The following SH3BGRL2 variants were observed in gnomAD, a reference collection of about 807,000 sequenced individuals.
SH3BGRL2 encodes SH3 domain binding glutamate rich protein like 2, also known as SH3 domain-binding glutamic acid-rich-like protein 2.
A neutral mutation model predicts 14.8 loss-of-function variants in SH3BGRL2; 21 were observed. The ratio of observed to expected loss-of-function variants is 1.42; its 90% CI spans 1.01 to 2.05. The LOEUF is 2.05. Ranked by LOEUF, SH3BGRL2 falls within the 30% of genes most tolerant of loss-of-function variation. The pLI, the probability that SH3BGRL2 is intolerant of heterozygous loss-of-function variation, is 0.00. For synonymous variants in SH3BGRL2, 50 were observed against 47.8 expected, an observed-to-expected ratio of 1.05 and a Z score of -0.19; for missense variants, 147 against 130.8, an observed-to-expected ratio of 1.12 and a Z score of -0.61.
At chr6:79,628,008 A>T (rs551522967), upstream of SH3BGRL2, among the ~76,000 whole-genome samples, 3 of 152,298 alleles carry the variant, frequency 2.0e-5, no homozygotes, top group South Asian at 6.2e-4. Context: ...TAGTTAAGCC[A>T]TTGTAATAGC....
chr6:79,570,635 A>G, the SH3BGRL2 span, among the ~76,000 whole-genome samples: 1 of 152,134 alleles, frequency 6.6e-6, no homozygotes. Flanking sequence ...CACTTTACCA[A>G]CCCTGCCAGA....
At chr6:79,686,918 G>A (rs942298106) in intron 2 of SH3BGRL2, among the ~76,000 whole-genome samples, 4 of 152,162 alleles carry the variant, frequency 2.6e-5, no homozygotes, top group African/African-American at 7.2e-5. Flanking sequence ...ACTTCAGTGC[G>A]TGTCCCTCCA....
intron 2 of SH3BGRL2, among the ~76,000 whole-genome samples, chr6:79,676,789 T>C (rs1391411474): frequency 6.6e-6 from 1 of 152,160 alleles, no homozygotes; most frequent in African/African-American, 2.4e-5. Context: ...TAGAAGAATA[T>C]AATGTAAAAT....
At chr6:79,652,641 T>A (rs1332220025) in intron 1 of SH3BGRL2, among the ~76,000 whole-genome samples, 2 of 152,008 alleles carry the variant, frequency 1.3e-5, no homozygotes, top group Admixed American at 1.3e-4. Context: ...AATAAATATT[T>A]TCAGGATGAA....
intron 1 of SH3BGRL2, among the ~76,000 whole-genome samples, chr6:79,653,922 G>A (rs560731899): frequency 8.8e-4 from 134 of 152,270 alleles, no homozygotes; most frequent in African/African-American, 3.1e-3. Flanking sequence ...TGGTAAGAAG[G>A]AAAGCCCCAA....
At chr6:79,547,926 C>A in the SH3BGRL2 span, among the ~76,000 whole-genome samples, 1 of 152,136 alleles carries the variant, frequency 6.6e-6, no homozygotes, top group Non-Finnish European at 1.5e-5. Flanking sequence ...AGTGCAGGGG[C>A]ACAATCACAG....
At chr6:79,613,494 A>G in the SH3BGRL2 span, among the ~76,000 whole-genome samples, 1 of 152,352 alleles carries the variant, frequency 6.6e-6, no homozygotes, top group South Asian at 2.1e-4. Flanking sequence ...AATACCTGAT[A>G]GTATTCATAC....
chr6:79,548,061 G>T, the SH3BGRL2 span, among the ~76,000 whole-genome samples: 3 of 151,938 alleles, frequency 2.0e-5, no homozygotes, highest in Non-Finnish European at 2.9e-5. Context: ...TAGAGATGAG[G>T]TCTCACTATG....
chr6:79,576,688 G>A, the SH3BGRL2 span, among the ~76,000 whole-genome samples: 8 of 152,126 alleles, frequency 5.3e-5, no homozygotes, highest in African/African-American at 1.4e-4. Context: ...AAATGCACAC[G>A]TCGATAAGTT....
intron 2 of SH3BGRL2, among the ~76,000 whole-genome samples, chr6:79,686,245 A>C (rs1029535631): frequency 1.3e-5 from 2 of 152,198 alleles, no homozygotes; most frequent in Non-Finnish European, 2.9e-5. Flanking sequence ...TCAGCAGTTA[A>C]TAGGACTGCT....
chr6:79,559,579 C>T, the SH3BGRL2 span, among the ~76,000 whole-genome samples: 8 of 152,248 alleles, frequency 5.3e-5, no homozygotes, highest in African/African-American at 1.9e-4. Context: ...TACAATACTT[C>T]GTATTAGACT....
In SH3BGRL2 at chr6:79,702,257, C is replaced by G. The variant is rs1314691799; in HGVS notation, c.*2748C>G. On this transcript the variant is annotated 3_prime_UTR_variant, in exon 4 of 4. Coordinates refer to ENST00000369838, the MANE Select transcript of SH3BGRL2 (RefSeq NM_031469.4). Reference sequence around the variant, plus strand: ...TATATTACATGAATTTAATAATAAACTAAACTTTTTTTTGTCTCCCGTTAT... The same window carrying G: ...TATATTACATGAATTTAATAATAAAGTAAACTTTTTTTTGTCTCCCGTTAT... 6.6e-6 allele frequency: 1 copy of G among 152,522 alleles called. No homozygotes were observed. The highest frequency in any genetic ancestry group is 1.9e-4 in the East Asian group (1 of 5,198). The allele number at this position is 152,522 out of a possible 1,614,324, so 9.4% of individuals were successfully genotyped here. A position where few individuals can be genotyped will look rare whatever the true frequency, so the allele number is the denominator to read the frequency against.
chr6:79,581,193 C>T, the SH3BGRL2 span, among the ~76,000 whole-genome samples: 7 of 152,120 alleles, frequency 4.6e-5, no homozygotes, highest in Admixed American at 6.6e-5. Flanking sequence ...GATTCACAGC[C>T]GAATTCTACC....
At chr6:79,614,015 C>G in the SH3BGRL2 span, among the ~76,000 whole-genome samples, 1 of 152,070 alleles carries the variant, frequency 6.6e-6, no homozygotes, top group East Asian at 1.9e-4. Flanking sequence ...CGGCTTTGAC[C>G]TGAGTTTCTG....
chr6:79,613,738 C>T, the SH3BGRL2 span, among the ~76,000 whole-genome samples: 1 of 152,076 alleles, frequency 6.6e-6, no homozygotes, highest in South Asian at 2.1e-4. Context: ...TCCTGAGTAG[C>T]TGGGATTACA....
At chr6:79,608,179 C>G in the SH3BGRL2 span, among the ~76,000 whole-genome samples, 1 of 152,120 alleles carries the variant, frequency 6.6e-6, no homozygotes, top group Non-Finnish European at 1.5e-5. Flanking sequence ...GGGTAGTCAG[C>G]CCCCATGATC....
chr6:79,623,317 AT>A, the SH3BGRL2 span, among the ~76,000 whole-genome samples: 2 of 143,870 alleles, frequency 1.4e-5, no homozygotes, highest in African/African-American at 2.6e-5. Context: ...AAAAAAAAAA[AT>A]GTCTGATTTA....
At chr6:79,670,129 A>C (rs1401953228) in intron 1 of SH3BGRL2, among the ~76,000 whole-genome samples, 3 of 152,236 alleles carry the variant, frequency 2.0e-5, no homozygotes, top group African/African-American at 7.2e-5. Flanking sequence ...GTTTATGGAC[A>C]CTGGTGTTTA....
the SH3BGRL2 span, among the ~76,000 whole-genome samples, chr6:79,584,473 T>C: frequency 6.6e-6 from 1 of 152,190 alleles, no homozygotes; most frequent in African/African-American, 2.4e-5. Context: ...CCTGAATGCC[T>C]TTCAGAACCC....
Sources: allele counts gnomAD v4.1 joint callset (sites outside exome capture counted in the v4.1 genomes callset), GRCh38; gene constraint gnomAD v4.1.1; transcripts MANE v1.5; gene names NCBI Gene and HGNC (gene_info 2026-07-23, HGNC 2026-07-21).